PRKG1: variants seen among roughly 807,000 people sequenced by gnomAD.
PRKG1 encodes the protein cGMP-dependent protein kinase 1.
A neutral mutation model predicts 88.1 loss-of-function variants in PRKG1; 35 were observed. That is an observed-to-expected ratio of 0.40 (90% CI 0.30 to 0.53). The LOEUF (loss-of-function observed/expected upper bound fraction) is 0.53, where lower values mean the gene tolerates loss of function less well. Ranked by LOEUF, PRKG1 falls within the 20% of genes least tolerant of loss-of-function variation. PRKG1 has a pLI of 0.59. For missense variants in PRKG1, 540 were observed against 839.8 expected (o/e 0.64, Z 4.41); for synonymous variants, 303 against 292.5 (o/e 1.04, Z -0.37).
At chr10:51,829,338 A>C (rs1188494854) in intron 4 of PRKG1, among the ~76,000 whole-genome samples, 2 of 152,160 alleles carry the variant, frequency 1.3e-5, no homozygotes, top group South Asian at 4.1e-4. Flanking sequence ...CTCACACTCA[A>C]AGTGGGAAGG....
At chr10:51,434,655 C>G (rs187103940) in intron 2 of PRKG1, among the ~76,000 whole-genome samples, 2 of 152,180 alleles carry the variant, frequency 1.3e-5, no homozygotes, top group African/African-American at 4.8e-5. Flanking sequence ...AACGTAAGAT[C>G]AGTGCATACG....
At chr10:51,930,490 TTC>T (rs998831029) in intron 5 of PRKG1, among the ~76,000 whole-genome samples, 14 of 133,918 alleles carry the variant, frequency 1.0e-4, no homozygotes, top group African/African-American at 3.3e-4. Flanking sequence ...ACCTTTTTTT[TTC>T]CTCTTTTTTT....
At chr10:52,070,664 A>G (rs1846474215) in intron 7 of PRKG1, among the ~76,000 whole-genome samples, 1 of 152,102 alleles carries the variant, frequency 6.6e-6, no homozygotes, top group Non-Finnish European at 1.5e-5. Context: ...TCACATTTGA[A>G]TCTTCTTTCT....
intron 8 of PRKG1, among the ~76,000 whole-genome samples, chr10:52,154,012 TG>T (rs1838015340): frequency 6.6e-6 from 1 of 152,182 alleles, no homozygotes; most frequent in Non-Finnish European, 1.5e-5. Flanking sequence ...CCCAAAGTGC[TG>T]GGATTGCAGG....
chr10:51,189,886 T>G (rs1012807674), intron 2 of PRKG1, among the ~76,000 whole-genome samples: 2 of 151,948 alleles, frequency 1.3e-5, no homozygotes, highest in Non-Finnish European at 2.9e-5. Context: ...AAGGGTGGCC[T>G]ACTGTGCCCA....
intron 1 of PRKG1, among the ~76,000 whole-genome samples, chr10:50,992,666 A>G (rs1037746940): frequency 6.6e-6 from 1 of 151,952 alleles, no homozygotes. Context: ...TGTGCAGAGG[A>G]GGCTGGGTGG....
At chr10:51,386,444 A>G (rs1231032409) in intron 2 of PRKG1, among the ~76,000 whole-genome samples, 1 of 152,114 alleles carries the variant, frequency 6.6e-6, no homozygotes, top group African/African-American at 2.4e-5. Context: ...AGAGCTGATG[A>G]TCTAAGTTCT....
intron 2 of PRKG1, among the ~76,000 whole-genome samples, chr10:51,456,587 A>G (rs1174105630): frequency 6.6e-6 from 1 of 152,204 alleles, no homozygotes; most frequent in Non-Finnish European, 1.5e-5. Flanking sequence ...AACCAAAAAT[A>G]AATAGATGGG....
intron 9 of PRKG1, among the ~76,000 whole-genome samples, chr10:52,198,661 A>G (rs1165914430): frequency 1.3e-5 from 2 of 152,138 alleles, no homozygotes; most frequent in African/African-American, 4.8e-5. Flanking sequence ...CACAGGGCCC[A>G]ATCAAGATAT....
intron 9 of PRKG1, among the ~76,000 whole-genome samples, chr10:52,209,155 C>A (rs1049269904): frequency 1.3e-5 from 2 of 152,142 alleles, no homozygotes; most frequent in Non-Finnish European, 1.5e-5. Flanking sequence ...GGTCCATAAA[C>A]TTTTTCTGCA....
intron 5 of PRKG1, among the ~76,000 whole-genome samples, chr10:51,962,613 G>T (rs1025650435): frequency 6.6e-6 from 1 of 152,008 alleles, no homozygotes; most frequent in African/African-American, 2.4e-5. Flanking sequence ...AGTTCACCAG[G>T]GATAATCCTG....
At chr10:51,669,663 A>G (rs1049596408) in intron 3 of PRKG1, among the ~76,000 whole-genome samples, 1 of 152,170 alleles carries the variant, frequency 6.6e-6, no homozygotes, top group Non-Finnish European at 1.5e-5. Flanking sequence ...GGGTTATATA[A>G]TTAGTTTTCC....
chr10:51,113,024 C>G, intron 1 of PRKG1, among the ~76,000 whole-genome samples: 1 of 152,154 alleles, frequency 6.6e-6, no homozygotes, highest in Non-Finnish European at 1.5e-5. Flanking sequence ...CAACAGCTAC[C>G]AAAATCCCTC....
intron 4 of PRKG1, among the ~76,000 whole-genome samples, chr10:51,894,943 C>T (rs933931005): frequency 3.3e-5 from 5 of 152,072 alleles, no homozygotes; most frequent in Admixed American, 2.0e-4. Flanking sequence ...GTTAGTGTTG[C>T]CTATCTGTTA....
At chr10:51,043,424 A>C (rs1843450509) in intron 1 of PRKG1, among the ~76,000 whole-genome samples, 1 of 152,070 alleles carries the variant, frequency 6.6e-6, no homozygotes, top group South Asian at 2.1e-4. Flanking sequence ...GCATCTTATC[A>C]CCTCTGGAAA....
chr10:51,629,145 A>G (rs1157967417), intron 3 of PRKG1, among the ~76,000 whole-genome samples: 2 of 152,092 alleles, frequency 1.3e-5, no homozygotes, highest in African/African-American at 2.4e-5. Context: ...ATTTTGTTTC[A>G]GGTATATGTA....
intron 5 of PRKG1, among the ~76,000 whole-genome samples, chr10:52,019,350 A>T (rs534758499): frequency 5.3e-5 from 8 of 152,332 alleles, no homozygotes; most frequent in African/African-American, 1.2e-4. Context: ...TGGTGTCATT[A>T]TCCTTCTTGA....
At chr10:51,163,539 A>G (rs1871630) in intron 2 of PRKG1, among the ~76,000 whole-genome samples, 70,552 of 151,976 alleles carry the variant, frequency 0.46, 16,392 homozygotes, top group African/African-American at 0.53. Flanking sequence ...CAATGGGCGC[A>G]AGACAGTGGG....
At chr10:51,203,903 TA>T (rs552612309) in intron 2 of PRKG1, among the ~76,000 whole-genome samples, 6 of 152,222 alleles carry the variant, frequency 3.9e-5, no homozygotes, top group Non-Finnish European at 8.8e-5. Flanking sequence ...AACTCTTCAT[TA>T]AAGTCTCTCA....
Sources: allele counts gnomAD v4.1 joint callset (sites outside exome capture counted in the v4.1 genomes callset), GRCh38; gene constraint gnomAD v4.1.1; transcripts MANE v1.5; gene names NCBI Gene and HGNC (gene_info 2026-07-23, HGNC 2026-07-21).